Variants in GAGE1 observed in about 807,000 individuals in gnomAD.
GAGE1 encodes the protein G antigen 1.
A neutral mutation model predicts 5.0 loss-of-function variants in GAGE1; 5 were observed. That is an observed-to-expected ratio of 1.00 (90% CI 0.52 to 2.11). The LOEUF (loss-of-function observed/expected upper bound fraction) is 2.11. Ranked by LOEUF, GAGE1 falls within the 30% of genes most tolerant of loss-of-function variation. The pLI, the probability that GAGE1 is intolerant of heterozygous loss-of-function variation, is 0.01. For missense variants in GAGE1, 9 were observed against 38.9 expected, an observed-to-expected ratio of 0.23 and a Z score of 2.04; for synonymous variants, 6 against 14.8, an observed-to-expected ratio of 0.40 and a Z score of 1.37.
chrX:49,604,170 T>G (rs1218711532), intron 4 of GAGE1, among the ~76,000 whole-genome samples: 5 of 112,679 alleles, frequency 4.4e-5, no homozygotes, highest in Non-Finnish European at 7.5e-5. Context: ...ATATTTTTAG[T>G]AAGAGAGAGT....
intron 4 of GAGE1, chrX:49,605,179 C>G (rs781969768): frequency 1.0e-6 from 1 of 965,164 alleles, no homozygotes; most frequent in South Asian, 2.1e-5. Context: ...GAGTAAGATG[C>G]CTGTGCTATG....
Position 49,607,846 on chromosome X carries a change from A to G in GAGE1, c.*1831A>G, listed in dbSNP as rs976569197. 15 of 111,441 alleles carry G rather than the reference A, an allele frequency of 1.3e-4. No homozygotes were observed. Among genetic ancestry groups the G allele is most frequent in the African/African-American group, 3.9e-4 (12 of 30,658 alleles). 9.2% of individuals were successfully genotyped at this position (111,441 alleles called of 1,213,427 possible). A position where few individuals can be genotyped will look rare whatever the true frequency, so the allele number is the denominator to read the frequency against. On this transcript the variant is annotated 3_prime_UTR_variant, in exon 5 of 5. Transcript: ENST00000381700. Reference sequence around the variant, plus strand: ...TAAGAGGAATTATTATAAAATTCCTATTTACTGGATGTGTACTATCTATGA... The same window carrying G: ...TAAGAGGAATTATTATAAAATTCCTGTTTACTGGATGTGTACTATCTATGA...
chrX:49,604,261 A>G (rs184483659), intron 4 of GAGE1, among the ~76,000 whole-genome samples: 3 of 112,848 alleles, frequency 2.7e-5, no homozygotes, highest in Non-Finnish European at 5.6e-5. Flanking sequence ...CCCGAGTGAT[A>G]GACTTTCAGA....
chrX:49,605,072 C>A, intron 4 of GAGE1: 1 of 1,022,163 alleles, frequency 9.8e-7, no homozygotes. Flanking sequence ...AAATCTTTCC[C>A]CACGGAAACC....
intron 4 of GAGE1, among the ~76,000 whole-genome samples, chrX:49,605,372 C>T (rs2066650414): frequency 8.9e-6 from 1 of 112,345 alleles, no homozygotes; most frequent in Non-Finnish European, 1.9e-5. Flanking sequence ...GAGTAATCAA[C>T]TGAAGTATAT....
chrX:49,606,776 T>C lies in GAGE1; in HGVS notation c.*761T>C, dbSNP rs945270998. The C allele has an allele frequency of 5.3e-5, 6 of 112,255 alleles. No individual in the cohort carries two copies. The highest frequency in any genetic ancestry group is 1.1e-4 in the Non-Finnish European group (6 of 53,327). The allele number at this position is 112,255 out of a possible 1,213,427, so 9.3% of individuals were successfully genotyped here. On this transcript the variant is annotated 3_prime_UTR_variant, in exon 5 of 5. Transcript: ENST00000381700. ...CTGACCTGAGTCATCTTAAAACATG[T>C]GAATTGAGATTTCTTTGCTACTAAG...
chrX:49,605,781 C>T (rs1178051295), intron 4 of GAGE1, among the ~76,000 whole-genome samples: 1 of 110,095 alleles, frequency 9.1e-6, no homozygotes. Context: ...TGGTGGCACG[C>T]GCCTGTGGTC....
rs181501102 is a variant in GAGE1, at chrX:49,604,244, C to T, written c.331+451C>T. 6.2e-5 allele frequency among the ~76,000 whole-genome samples: 7 copies of T among 112,205 alleles called. No individual in the cohort carries two copies. The East Asian group carries it at 1.4e-3, about 22-fold the overall frequency. On this transcript the variant is annotated intron_variant, in intron 4 of 4. Coordinates refer to ENST00000381700, the MANE Select transcript of GAGE1 (RefSeq NM_001040663.4). ...AGGTTATTTGAAATGTAGTTCAGGC[C>T]CCAGCACCCGAGTGATAGACTTTCA...
intron 4 of GAGE1, chrX:49,605,068 T>G (rs782201882): frequency 1.9e-5 from 19 of 1,023,046 alleles, no homozygotes; most frequent in Non-Finnish European, 2.4e-5. Flanking sequence ...TCTTAAATCT[T>G]TCCCCACGGA....
chrX:49,604,548 T>G (rs1557131748), intron 4 of GAGE1, among the ~76,000 whole-genome samples: 1 of 112,100 alleles, frequency 8.9e-6, no homozygotes, highest in African/African-American at 3.2e-5. Flanking sequence ...AGTCAGAGAT[T>G]TTAAAACCAT....
At position 49,606,902 on chromosome X, in the gene GAGE1, A is replaced by G. The variant is rs782230298; in HGVS notation, c.*887A>G. The G allele has an allele frequency of 3.6e-5, 4 of 112,212 alleles. No individual in the cohort carries two copies. Among genetic ancestry groups the G allele is most frequent in the Admixed American group, 9.5e-5 (1 of 10,548 alleles). 9.2% of individuals were successfully genotyped at this position (112,212 alleles called of 1,213,427 possible). A position where few individuals can be genotyped will look rare whatever the true frequency, so the allele number is the denominator to read the frequency against. On this transcript the variant is annotated 3_prime_UTR_variant, in exon 5 of 5. Coordinates refer to ENST00000381700, the MANE Select transcript of GAGE1 (RefSeq NM_001040663.4). ...TGTATGTTGAAAACTGAAATCATCT[A>G]TTGTGATTACCACAGGGTTTTTTCC...
chrX:49,604,324 A>T (rs1297291712), intron 4 of GAGE1, among the ~76,000 whole-genome samples: 9 of 112,329 alleles, frequency 8.0e-5, no homozygotes, highest in Non-Finnish European at 1.5e-4. Context: ...TTGAGTATAA[A>T]TCCTCAAACC....
rs782507981 is a variant in GAGE1 at position 49,606,578 on chromosome X, T to C, written c.*563T>C. 8.9e-6 allele frequency: 1 copy of C among 112,470 alleles called. No homozygotes were observed. Among genetic ancestry groups the C allele is most frequent in the Non-Finnish European group, 1.9e-5 (1 of 53,351 alleles). 9.3% of individuals were successfully genotyped at this position (112,470 alleles called of 1,213,427 possible). A position where few individuals can be genotyped will look rare whatever the true frequency, so the allele number is the denominator to read the frequency against. Reference sequence around the variant, plus strand: ...TGAGCAGATCTACCGGATACAATTGTGATAGTGGAAATTTTTGTGTTATTC... The same window carrying C: ...TGAGCAGATCTACCGGATACAATTGCGATAGTGGAAATTTTTGTGTTATTC... On this transcript the variant is annotated 3_prime_UTR_variant, in exon 5 of 5. Coordinates refer to ENST00000381700, the MANE Select transcript of GAGE1 (RefSeq NM_001040663.4).
At chrX:49,605,096 A>G (rs782739687) in intron 4 of GAGE1, 2 of 1,015,512 alleles carry the variant, frequency 2.0e-6, no homozygotes, top group African/African-American at 3.9e-5. Context: ...AGTGACTGAA[A>G]TATCAAATGG....
At chrX:49,605,934 A>AT (rs1394900166) in intron 4 of GAGE1, 59 bp from the exon 5 acceptor site, 1 of 636,337 alleles carries the variant, frequency 1.6e-6, no homozygotes, top group African/African-American at 2.4e-5. Flanking sequence ...AATAATAATA[A>AT]TAATAATAAT....
intron 4 of GAGE1, among the ~76,000 whole-genome samples, chrX:49,604,682 T>G (rs1339672761): frequency 8.9e-6 from 1 of 112,420 alleles, no homozygotes; most frequent in Non-Finnish European, 1.9e-5. Context: ...CATCTGAAAA[T>G]CTCTGAATTG....
chrX:49,605,845 G>A lies in GAGE1; in HGVS notation c.332-148G>A, dbSNP rs1187053794. 9 of 288,149 alleles carry A rather than the reference G, an allele frequency of 3.1e-5. No individual in the cohort carries two copies. In the East Asian group the frequency reaches 3.9e-4, roughly 13 times the overall value. The allele number at this position is 288,149 out of a possible 1,213,427, so 23.7% of individuals were successfully genotyped here. On this transcript the variant is annotated intron_variant, in intron 4 of 4. Coordinates refer to ENST00000381700, the MANE Select transcript of GAGE1 (RefSeq NM_001040663.4). ...AATCGCTTGAACCCAGAAGGCGGAC[G>A]TTGCAGTGAACCAGATTGCTCCACT...
intron 3 of GAGE1, among the ~76,000 whole-genome samples, chrX:49,602,461 A>T (rs2066616245): frequency 1.3e-5 from 1 of 77,791 alleles, no homozygotes; most frequent in South Asian, 7.2e-4. Flanking sequence ...AGTACAATGA[A>T]CTCATATACT....
In GAGE1 at chrX:49,607,591, G is replaced by T. The variant is rs1427598256; in HGVS notation, c.*1576G>T. 1 of 110,982 alleles carries T rather than the reference G, an allele frequency of 9.0e-6. No individual in the cohort carries two copies. Among genetic ancestry groups the T allele is most frequent in the East Asian group, 2.8e-4 (1 of 3,518 alleles). The allele number at this position is 110,982 out of a possible 1,213,427, so 9.1% of individuals were successfully genotyped here. On this transcript the variant is annotated 3_prime_UTR_variant, in exon 5 of 5. Transcript: ENST00000381700. ...GCAGTGACCAAACGGGCAGCTCCAG[G>T]TACCTATCCCCTCAAACTTTGTGAG... is the stretch of plus-strand genomic sequence containing the variant.
Sources: gnomAD v4.1 joint callset for allele counts (sites outside exome capture counted in the v4.1 genomes callset) on GRCh38, gnomAD v4.1.1 for gene constraint, MANE v1.5 for transcripts, NCBI Gene and HGNC (gene_info 2026-07-23, HGNC 2026-07-21) for gene names.